The following CNTNAP2 variants were observed in gnomAD, a reference collection of about 807,000 sequenced individuals.
CNTNAP2 encodes contactin-associated protein-like 2.
A neutral mutation model predicts 155.2 loss-of-function variants in CNTNAP2; 98 were observed. That is an observed-to-expected ratio of 0.63 (90% CI 0.54 to 0.75). The LOEUF (loss-of-function observed/expected upper bound fraction) is 0.75, where lower values mean the gene tolerates loss of function less well. CNTNAP2 is among the 30% of genes least tolerant of loss of function. The pLI is 0.00. For missense variants in CNTNAP2, 1,727 were observed against 1,688.1 expected (o/e 1.02, Z -0.40); for synonymous variants, 651 against 631.2 (o/e 1.03, Z -0.47).
chr7:147,310,282 AG>A, intron 9 of CNTNAP2, among the ~76,000 whole-genome samples: 1 of 152,318 alleles, frequency 6.6e-6, no homozygotes, highest in East Asian at 1.9e-4. Flanking sequence ...AAGTTTTCAA[AG>A]AAAAATATCA....
intron 13 of CNTNAP2, among the ~76,000 whole-genome samples, chr7:147,709,582 C>T (rs1367885347): frequency 1.3e-5 from 2 of 152,118 alleles, no homozygotes; most frequent in Non-Finnish European, 2.9e-5. Context: ...AGAAAGGACA[C>T]CTCATCTAAC....
intron 3 of CNTNAP2, among the ~76,000 whole-genome samples, chr7:146,946,361 T>C (rs1194676145): frequency 1.3e-5 from 2 of 152,172 alleles, no homozygotes; most frequent in Non-Finnish European, 2.9e-5. Context: ...TGTCTAAATA[T>C]ATTTCCATGA....
intron 9 of CNTNAP2, among the ~76,000 whole-genome samples, chr7:147,334,469 A>T (rs1051667009): frequency 1.3e-5 from 2 of 152,198 alleles, no homozygotes; most frequent in Non-Finnish European, 2.9e-5. Flanking sequence ...ACAATAATGG[A>T]GTAACAGGCA....
chr7:147,069,740 C>A (rs1799853609), intron 4 of CNTNAP2, among the ~76,000 whole-genome samples: 1 of 152,202 alleles, frequency 6.6e-6, no homozygotes, highest in East Asian at 1.9e-4. Context: ...CTATCATTCT[C>A]TGTTTTCTAG....
intron 1 of CNTNAP2, among the ~76,000 whole-genome samples, chr7:146,318,249 CAT>C (rs1225555817): frequency 6.6e-6 from 1 of 151,714 alleles, no homozygotes; most frequent in Non-Finnish European, 1.5e-5. Context: ...GAGTTTTACA[CAT>C]TTAGTTCTGT....
chr7:148,078,102 C>G (rs1803529343), intron 15 of CNTNAP2, among the ~76,000 whole-genome samples: 1 of 151,954 alleles, frequency 6.6e-6, no homozygotes, highest in Admixed American at 6.6e-5. Context: ...CTTGCTCTGT[C>G]ACCCAGGCTG....
intron 1 of CNTNAP2, among the ~76,000 whole-genome samples, chr7:146,657,546 GTTTCTCTC>G (rs1800015915): frequency 6.6e-6 from 1 of 151,982 alleles, no homozygotes; most frequent in African/African-American, 2.4e-5. Flanking sequence ...CTGTCTCTCT[GTTTCTCTC>G]TTTCTCTCTC....
intron 4 of CNTNAP2, among the ~76,000 whole-genome samples, chr7:147,048,532 G>A (rs1268986733): frequency 1.3e-5 from 2 of 152,132 alleles, no homozygotes; most frequent in Non-Finnish European, 2.9e-5. Context: ...TAATACAAGA[G>A]TCAATATATT....
intron 12 of CNTNAP2, among the ~76,000 whole-genome samples, chr7:147,626,654 A>G (rs900831614): frequency 6.6e-6 from 1 of 152,128 alleles, no homozygotes; most frequent in Non-Finnish European, 1.5e-5. Context: ...AGATCCCTCC[A>G]CTAATACTGC....
intron 11 of CNTNAP2, among the ~76,000 whole-genome samples, chr7:147,490,985 A>G (rs1399483307): frequency 6.6e-6 from 1 of 152,164 alleles, no homozygotes; most frequent in Admixed American, 6.5e-5. Flanking sequence ...AACTTCGCCC[A>G]TGATCCAATC....
At chr7:146,249,441 C>T (rs1799722082) in intron 1 of CNTNAP2, among the ~76,000 whole-genome samples, 2 of 146,030 alleles carry the variant, frequency 1.4e-5, no homozygotes, top group Admixed American at 6.6e-5. Flanking sequence ...TCTCAGAACA[C>T]GTGACTGTCA....
At chr7:147,640,632 A>C (rs565886856) in intron 13 of CNTNAP2, among the ~76,000 whole-genome samples, 1 of 152,310 alleles carries the variant, frequency 6.6e-6, no homozygotes, top group South Asian at 2.1e-4. Flanking sequence ...TAAGGCTCCG[A>C]TGACTGAAGG....
chr7:147,896,193 T>C (rs1226850800), intron 13 of CNTNAP2, among the ~76,000 whole-genome samples: 2 of 152,108 alleles, frequency 1.3e-5, no homozygotes, highest in Non-Finnish European at 2.9e-5. Context: ...GAGGAAATAT[T>C]TCAGATCATC....
chr7:146,361,039 C>A (rs997754378), intron 1 of CNTNAP2, among the ~76,000 whole-genome samples: 3 of 152,110 alleles, frequency 2.0e-5, no homozygotes, highest in Non-Finnish European at 4.4e-5. Context: ...ATGTTAATTG[C>A]AAACATGTCA....
chr7:146,866,125 C>G (rs1387399466), intron 3 of CNTNAP2, among the ~76,000 whole-genome samples: 1 of 151,968 alleles, frequency 6.6e-6, no homozygotes, highest in Non-Finnish European at 1.5e-5. Flanking sequence ...TCCAATGTTC[C>G]CCCCGACAGT....
At chr7:147,044,743 GT>G (rs2129255666) in intron 4 of CNTNAP2, among the ~76,000 whole-genome samples, 1 of 151,952 alleles carries the variant, frequency 6.6e-6, no homozygotes, top group South Asian at 2.1e-4. Context: ...AATGGTACTT[GT>G]TTTCTCCTAC....
intron 1 of CNTNAP2, among the ~76,000 whole-genome samples, chr7:146,563,664 C>T (rs544969530): frequency 6.2e-4 from 94 of 152,162 alleles, no homozygotes; most frequent in African/African-American, 2.1e-3. Context: ...CTTGATCTTA[C>T]GGTGTCTGCT....
At chr7:146,819,162 A>T (rs1803229467) in intron 2 of CNTNAP2, among the ~76,000 whole-genome samples, 1 of 152,132 alleles carries the variant, frequency 6.6e-6, no homozygotes, top group South Asian at 2.1e-4. Flanking sequence ...TCCCTTACTG[A>T]TGAAAATTTA....
rs897247815 is a variant in CNTNAP2, at chr7:146,452,979, C to T, written c.98-321292C>T. On this transcript the variant is annotated intron_variant, in intron 1 of 23. Transcript: ENST00000361727. ...AATTTGAAGAGACCTACAACAGCCCCAGCTACTGTGTGGAAAGAATGATTC... is the reference window on the plus strand; with the variant it reads ...AATTTGAAGAGACCTACAACAGCCCTAGCTACTGTGTGGAAAGAATGATTC... Among the ~76,000 whole-genome samples the T allele has an allele frequency of 2.6e-5, 4 of 152,176 alleles. No individual in the cohort carries two copies. The South Asian group carries it at 8.3e-4, about 31-fold the overall frequency.
Sources: gnomAD v4.1 joint callset for allele counts (sites outside exome capture counted in the v4.1 genomes callset) on GRCh38, gnomAD v4.1.1 for gene constraint, MANE v1.5 for transcripts, NCBI Gene and HGNC (gene_info 2026-07-23, HGNC 2026-07-21) for gene names.